The following UBE2D1 variants were observed in gnomAD, a reference collection of about 807,000 sequenced individuals.
The protein encoded by UBE2D1 is ubiquitin conjugating enzyme E2 D1.
In UBE2D1, 9 loss-of-function variants were observed where a neutral mutation model predicts 24.6. The observed-to-expected ratio is 0.37, with a 90% CI of 0.22 to 0.64. The LOEUF is 0.64. Among genes scored for constraint, UBE2D1 ranks in the 30% least tolerant of loss-of-function variants. UBE2D1 has a pLI of 0.64. For synonymous variants in UBE2D1, 57 were observed against 57.6 expected (o/e 0.99, Z 0.04); for missense variants, 87 against 177.1 (o/e 0.49, Z 2.89).
At chr10:58,359,188 G>C (rs1235286524) in intron 1 of UBE2D1, among the ~76,000 whole-genome samples, 1 of 152,030 alleles carries the variant, frequency 6.6e-6, no homozygotes, top group African/African-American at 2.4e-5. Flanking sequence ...GTCTCTATTA[G>C]AGCACTGAAC....
At chr10:58,346,897 A>G (rs1840023341) in intron 1 of UBE2D1, among the ~76,000 whole-genome samples, 1 of 152,220 alleles carries the variant, frequency 6.6e-6, no homozygotes, top group South Asian at 2.1e-4. Flanking sequence ...AGGACATTGA[A>G]AAGAGGGATA....
chr10:58,336,184 T>C (rs1839901835), intron 1 of UBE2D1, among the ~76,000 whole-genome samples: 1 of 152,234 alleles, frequency 6.6e-6, no homozygotes, highest in Non-Finnish European at 1.5e-5. Flanking sequence ...TTTTTATTTC[T>C]TGTTGGTCTG....
chr10:58,353,295 C>A (rs914314458), intron 1 of UBE2D1, among the ~76,000 whole-genome samples: 2 of 152,148 alleles, frequency 1.3e-5, no homozygotes, highest in Non-Finnish European at 2.9e-5. Context: ...TAATAAATTT[C>A]TACATTTAGC....
In UBE2D1 at chr10:58,366,802, C is replaced by T. The variant is rs184893828; in HGVS notation, c.305-1121C>T. 3.7e-4 allele frequency among the ~76,000 whole-genome samples: 56 copies of T among 151,984 alleles called. 1 individual carries two copies. In the East Asian group the frequency reaches 9.5e-3, roughly 26 times the overall value. On this transcript the variant is annotated intron_variant, in intron 5 of 6. Transcript: ENST00000373910. The stretch of plus-strand genomic sequence containing the variant: ...GTTGCTGTGTTGCCCAGGCTGGTCT[C>T]GAACTCCTAAGCTCAAGGATTCTTC...
At position 58,364,908 on chromosome 10, in the gene UBE2D1, A is replaced by G. The variant is rs754461011; in HGVS notation, c.304+32A>G. On this transcript the variant is annotated intron_variant, in intron 5 of 6. Transcript: ENST00000373910. ...TCATTGATCAGGTTTGAAACAGTTG[A>G]TAACAGTGAGACAGGAAAAATACAG... The G allele has an allele frequency of 9.1e-6, 14 of 1,545,588 alleles. No homozygotes were observed. The South Asian group carries it at 1.0e-4, about 11-fold the overall frequency.
At chr10:58,363,329 A>C (rs1241706597) in intron 3 of UBE2D1, among the ~76,000 whole-genome samples, 1 of 152,198 alleles carries the variant, frequency 6.6e-6, no homozygotes, top group Non-Finnish European at 1.5e-5. Context: ...GACAAGTCAC[A>C]GCACTGTGTG....
chr10:58,353,994 G>A (rs1010407675), intron 1 of UBE2D1, among the ~76,000 whole-genome samples: 4 of 152,144 alleles, frequency 2.6e-5, no homozygotes, highest in African/African-American at 9.7e-5. Context: ...TAAATAAAGT[G>A]CATAAAATTC....
intron 1 of UBE2D1, among the ~76,000 whole-genome samples, chr10:58,336,802 A>G (rs556363326): frequency 1.1e-4 from 17 of 152,322 alleles, no homozygotes; most frequent in African/African-American, 4.1e-4. Flanking sequence ...AATTTTTCAC[A>G]TGATTTTGCA....
intron 1 of UBE2D1, among the ~76,000 whole-genome samples, chr10:58,354,707 T>C (rs1014453922): frequency 6.6e-6 from 1 of 152,012 alleles, no homozygotes; most frequent in African/African-American, 2.4e-5. Flanking sequence ...TGGTGGTACA[T>C]GCCTGTAGTC....
At chr10:58,368,697 A>T in intron 6 of UBE2D1, 23 bp from the exon 7 acceptor site, 1 of 1,529,744 alleles carries the variant, frequency 6.5e-7, no homozygotes, top group South Asian at 1.2e-5. Context: ...TGTTTTTACT[A>T]TATCCTTTTT....
intron 1 of UBE2D1, among the ~76,000 whole-genome samples, chr10:58,350,490 A>G (rs1266758026): frequency 6.6e-6 from 1 of 152,176 alleles, no homozygotes; most frequent in African/African-American, 2.4e-5. Context: ...TCTTTTACAT[A>G]TTCTGAATGA....
rs143256606 is a variant in UBE2D1, at chr10:58,349,291, G to C, written c.25-12047G>C. Among the ~76,000 whole-genome samples, 854 of 152,048 alleles carry C rather than the reference G, an allele frequency of 5.6e-3. 13 individuals are homozygous for C. Among genetic ancestry groups the C allele is most frequent in the African/African-American group, 0.019 (787 of 41,450 alleles). On this transcript the variant is annotated intron_variant, in intron 1 of 6. Coordinates refer to ENST00000373910, the MANE Select transcript of UBE2D1 (RefSeq NM_003338.5). ...ATTAATCACATTAGAATAGAAAATT[G>C]CTTCATTGGCACAGACTACTTTTTT...
At chr10:58,368,226 A>G in intron 6 of UBE2D1, 1 of 422,110 alleles carries the variant, frequency 2.4e-6, no homozygotes, top group East Asian at 3.6e-5. Context: ...GTTCAATAGT[A>G]TATACTCTGT....
Position 58,348,873 on chromosome 10 carries a change from G to A in UBE2D1, c.25-12465G>A, listed in dbSNP as rs114376109. On this transcript the variant is annotated intron_variant, in intron 1 of 6. Coordinates refer to ENST00000373910, the MANE Select transcript of UBE2D1 (RefSeq NM_003338.5). ...TTCCCTTCTTTGTTTCCTTTTATTTGTTTACTTTGTTTGAATTAGGCTGCC... is the reference window on the plus strand; with the variant it reads ...TTCCCTTCTTTGTTTCCTTTTATTTATTTACTTTGTTTGAATTAGGCTGCC... 1.3e-3 allele frequency among the ~76,000 whole-genome samples: 194 copies of A among 152,084 alleles called. 1 individual carries two copies. Among genetic ancestry groups the A allele is most frequent in the African/African-American group, 4.6e-3 (189 of 41,500 alleles).
chr10:58,367,941 C>A lies in UBE2D1; in HGVS notation c.323C>A (p.Ser108Tyr). Residue 108 changes from serine to tyrosine, a missense_variant, in exon 6 of 7, where the codon TCT becomes TAT. Ser to Tyr is a moderately radical substitution (Grantham distance 144). Transcript: ENST00000373910. ...TVSKVLLSIC[S>Y]LLCDPNPDDP... ...AATCTAGTTTTATTGTCCATATGTT[C>A]TCTACTTTGTGATCCTAATCCAGAT... The A allele has an allele frequency of 6.2e-7, 1 of 1,608,712 alleles. No homozygotes were observed. The highest frequency in any genetic ancestry group is 8.5e-7 in the Non-Finnish European group (1 of 1,176,014).
chr10:58,346,010 C>CTT (rs972974578), intron 1 of UBE2D1, among the ~76,000 whole-genome samples: 3 of 136,512 alleles, frequency 2.2e-5, no homozygotes, highest in South Asian at 2.4e-4. Flanking sequence ...GGAGCTAATA[C>CTT]TTTTTTTTTT....
chr10:58,337,915 C>T (rs1426743612), intron 1 of UBE2D1, among the ~76,000 whole-genome samples: 1 of 151,792 alleles, frequency 6.6e-6, no homozygotes, highest in African/African-American at 2.4e-5. Context: ...GGCATGATCT[C>T]GGCTCACTGC....
At chr10:58,365,999 G>C (rs901211352) in intron 5 of UBE2D1, among the ~76,000 whole-genome samples, 4 of 152,136 alleles carry the variant, frequency 2.6e-5, no homozygotes, top group Non-Finnish European at 4.4e-5. Context: ...GACCTAAGAT[G>C]CTCATCTACA....
At chr10:58,367,875 T>C (rs1300293384) in intron 5 of UBE2D1, 48 bp from the exon 6 acceptor site, 12 of 1,264,586 alleles carry the variant, frequency 9.5e-6, no homozygotes. Flanking sequence ...GTAATTTGTA[T>C]GAAGTAGAAG....
Sources: gnomAD v4.1 joint callset for allele counts (sites outside exome capture counted in the v4.1 genomes callset) on GRCh38, gnomAD v4.1.1 for gene constraint, MANE v1.5 for transcripts, NCBI Gene and HGNC (gene_info 2026-07-23, HGNC 2026-07-21) for gene names.